Variants in PUDP observed in about 807,000 individuals in gnomAD.
PUDP encodes the protein pseudouridine 5'-phosphatase.
In PUDP, 8 loss-of-function variants were observed where a neutral mutation model predicts 9.4. That is an observed-to-expected ratio of 0.85 (90% CI 0.50 to 1.53). The LOEUF (loss-of-function observed/expected upper bound fraction) is 1.53. PUDP is among the 40% of genes most tolerant of loss of function. The pLI is 0.00. For missense variants in PUDP, 188 were observed against 189.7 expected, an observed-to-expected ratio of 0.99 and a Z score of 0.05; for synonymous variants, 99 against 80.7, an observed-to-expected ratio of 1.23 and a Z score of -1.22.
At chrX:7,110,022 TGTA>T (rs1453797684) in intron 1 of PUDP, among the ~76,000 whole-genome samples, 2 of 112,376 alleles carry the variant, frequency 1.8e-5, no homozygotes, top group Non-Finnish European at 3.8e-5. Context: ...GAGCAGCTTC[TGTA>T]GTAGCTGCAA....
intron 3 of PUDP, among the ~76,000 whole-genome samples, chrX:6,770,441 T>C (rs1925345306): frequency 8.9e-6 from 1 of 112,630 alleles, no homozygotes; most frequent in African/African-American, 3.2e-5. Context: ...GTCAAAACCA[T>C]GCAGGCAGAT....
intron 3 of PUDP, among the ~76,000 whole-genome samples, chrX:6,816,722 C>T (rs1275256111): frequency 1.0e-5 from 1 of 95,899 alleles, no homozygotes; most frequent in Non-Finnish European, 2.0e-5. Flanking sequence ...ATAGTATATA[C>T]AATATATATA....
chrX:7,057,520 C>T (rs977456591), intron 3 of PUDP: 10 of 621,868 alleles, frequency 1.6e-5, no homozygotes, highest in Non-Finnish European at 2.4e-5. Context: ...CTGGATGATA[C>T]CTGGGATGTT....
At chrX:7,023,564 A>AT (rs751755140) in intron 1 of PUDP, among the ~76,000 whole-genome samples, 5 of 111,401 alleles carry the variant, frequency 4.5e-5, no homozygotes, top group African/African-American at 1.3e-4. Flanking sequence ...ACCAAAGTTC[A>AT]TTTTTTTTGC....
At chrX:6,791,549 G>A (rs1341413841) in intron 3 of PUDP, among the ~76,000 whole-genome samples, 4 of 111,399 alleles carry the variant, frequency 3.6e-5, no homozygotes, top group Non-Finnish European at 7.5e-5. Flanking sequence ...GGTCACTAAA[G>A]TAGAAGAGGG....
rs1312940961 is a variant in PUDP, at chrX:6,916,246, A to ACC, written c.*247+60886_*247+60887insGG. On this transcript the variant is annotated intron_variant and NMD_transcript_variant, in intron 3 of 3. Transcript: ENST00000655425. ...CACACACACACACACACACACACAC[A>ACC]CACCCTGGGGAACTGGTAAATTTGG... is the stretch of plus-strand genomic sequence containing the variant. Among the ~76,000 whole-genome samples the ACC allele has an allele frequency of 2.9e-3, 208 of 71,579 alleles. 2 individuals carry two copies. The highest frequency in any genetic ancestry group is 0.013 in the African/African-American group (202 of 15,014). The allele number at this position is 71,579 out of a possible 115,157, so 62.2% of individuals were successfully genotyped here. A position where few individuals can be genotyped will look rare whatever the true frequency, so the allele number is the denominator to read the frequency against.
intron 2 of PUDP, 84 bp downstream of exon 2, chrX:7,105,536 C>G (rs1221528913): frequency 1.8e-5 from 12 of 668,316 alleles, no homozygotes; most frequent in Non-Finnish European, 2.7e-5. Context: ...ACTAAGCATG[C>G]CCTATGCTAG....
At chrX:7,126,353 A>G (rs146175431) in intron 1 of PUDP, among the ~76,000 whole-genome samples, 4,734 of 111,691 alleles carry the variant, frequency 0.042, 237 homozygotes, top group African/African-American at 0.14. Context: ...CCTTCCTGGA[A>G]AGGTCTGCCC....
At chrX:7,071,992 T>C (rs371486211) in intron 3 of PUDP, among the ~76,000 whole-genome samples, 6 of 111,098 alleles carry the variant, frequency 5.4e-5, no homozygotes, top group African/African-American at 1.6e-4. Flanking sequence ...GGTTTCACTA[T>C]GTTTCCCAGG....
intron 3 of PUDP, among the ~76,000 whole-genome samples, chrX:6,933,315 A>G (rs1377149398): frequency 9.0e-6 from 1 of 111,271 alleles, no homozygotes; most frequent in Non-Finnish European, 1.9e-5. Flanking sequence ...AGACAGCAGC[A>G]TTCGCGGCTC....
chrX:6,821,393 TAG>T (rs1272078817), intron 3 of PUDP, among the ~76,000 whole-genome samples: 1 of 111,107 alleles, frequency 9.0e-6, no homozygotes, highest in Non-Finnish European at 1.9e-5. Context: ...GGATCAAGAA[TAG>T]AGACTGCTTG....
At chrX:7,072,610 T>G (rs772943542) in intron 3 of PUDP, among the ~76,000 whole-genome samples, 1 of 110,024 alleles carries the variant, frequency 9.1e-6, no homozygotes, top group South Asian at 3.9e-4. Flanking sequence ...AGTCAGGAAT[T>G]CAAGACCAGC....
At chrX:6,978,202 A>G (rs1434397732) in exon 2 of PUDP, among the ~76,000 whole-genome samples, 1 of 111,969 alleles carries the variant, frequency 8.9e-6, no homozygotes, top group African/African-American at 3.2e-5. Context: ...TTTCAACCCA[A>G]TTCTGCAGGG....
intron 3 of PUDP, among the ~76,000 whole-genome samples, chrX:6,837,662 G>A (rs1195378999): frequency 8.9e-6 from 1 of 112,040 alleles, no homozygotes; most frequent in African/African-American, 3.2e-5. Flanking sequence ...ATGGTCAGAA[G>A]GCCTTTTTCA....
chrX:6,836,450 TC>T (rs1158724256), intron 3 of PUDP, among the ~76,000 whole-genome samples: 21 of 112,431 alleles, frequency 1.9e-4, no homozygotes, highest in African/African-American at 6.1e-4. Context: ...GACTTTTCCA[TC>T]TTCTAGAGGT....
At chrX:7,116,123 T>A (rs1932187505) in intron 1 of PUDP, among the ~76,000 whole-genome samples, 1 of 112,143 alleles carries the variant, frequency 8.9e-6, no homozygotes, top group Admixed American at 9.4e-5. Flanking sequence ...ACACCAGCAC[T>A]TGCCTTTGGC....
At chrX:6,915,045 C>T (rs930632234) in intron 3 of PUDP, among the ~76,000 whole-genome samples, 17 of 112,172 alleles carry the variant, frequency 1.5e-4, no homozygotes, top group African/African-American at 5.5e-4. Flanking sequence ...TAAAAAATGT[C>T]ATTCAAACAA....
chrX:6,956,990 T>C (rs888873814), intron 3 of PUDP, among the ~76,000 whole-genome samples: 2 of 112,247 alleles, frequency 1.8e-5, no homozygotes, highest in Non-Finnish European at 3.8e-5. Flanking sequence ...GAGAATGGAT[T>C]CACCTCATCA....
At chrX:6,748,563 CA>C (rs1569091266) in intron 3 of PUDP, among the ~76,000 whole-genome samples, 1 of 111,196 alleles carries the variant, frequency 9.0e-6, no homozygotes, top group African/African-American at 3.3e-5. Context: ...TTGAACAACT[CA>C]GGTTCAGTTT....
Sources: gnomAD v4.1 joint callset for allele counts (sites outside exome capture counted in the v4.1 genomes callset) on GRCh38, gnomAD v4.1.1 for gene constraint, MANE v1.5 for transcripts, NCBI Gene and HGNC (gene_info 2026-07-23, HGNC 2026-07-21) for gene names.